Variants in FOXP1 observed in about 807,000 individuals in gnomAD.
The protein encoded by FOXP1 is forkhead box P1.
A neutral mutation model predicts 98.2 loss-of-function variants in FOXP1; 15 were observed. The observed-to-expected ratio is 0.15, with a 90% CI of 0.10 to 0.24. FOXP1 has a LOEUF of 0.24. Ranked by LOEUF, FOXP1 falls within the 10% of genes least tolerant of loss-of-function variation. The pLI, the probability that FOXP1 is intolerant of heterozygous loss-of-function variation, is 1.00. For synonymous variants in FOXP1, 371 were observed against 314.5 expected, an observed-to-expected ratio of 1.18 and a Z score of -1.90; for missense variants, 633 against 848.5, an observed-to-expected ratio of 0.75 and a Z score of 3.15.
At chr3:71,502,250 C>G (rs1290848526) in intron 2 of FOXP1, among the ~76,000 whole-genome samples, 1 of 152,204 alleles carries the variant, frequency 6.6e-6, no homozygotes, top group African/African-American at 2.4e-5. Flanking sequence ...CCCCTGCTAG[C>G]AGGGCAAGTG....
intron 3 of FOXP1, among the ~76,000 whole-genome samples, chr3:71,462,354 C>G (rs893615605): frequency 3.3e-5 from 5 of 152,164 alleles, no homozygotes; most frequent in African/African-American, 9.7e-5. Flanking sequence ...GTTCATGTCA[C>G]AGAATCAGCT....
chr3:71,169,392 T>C (rs948961577), intron 6 of FOXP1, among the ~76,000 whole-genome samples: 3 of 152,212 alleles, frequency 2.0e-5, no homozygotes, highest in African/African-American at 4.8e-5. Flanking sequence ...TAAATATTTC[T>C]TTCTGGTAGA....
intron 9 of FOXP1, among the ~76,000 whole-genome samples, chr3:71,051,260 C>A (rs556433940): frequency 6.6e-6 from 1 of 152,114 alleles, no homozygotes; most frequent in Non-Finnish European, 1.5e-5. Context: ...CCCGGTAGAG[C>A]GCCACTGTAC....
At chr3:71,283,092 C>T (rs1161503247) in intron 5 of FOXP1, among the ~76,000 whole-genome samples, 1 of 152,206 alleles carries the variant, frequency 6.6e-6, no homozygotes, top group Non-Finnish European at 1.5e-5. Context: ...ACCCATCTGC[C>T]TTCCACTGGT....
chr3:71,311,755 G>T (rs1241701853), intron 4 of FOXP1, among the ~76,000 whole-genome samples: 3 of 152,186 alleles, frequency 2.0e-5, no homozygotes, highest in Admixed American at 2.0e-4. Flanking sequence ...TGGCAGCTCT[G>T]TGCCCACAGG....
At chr3:71,042,682 A>C (rs745985222) in intron 10 of FOXP1, among the ~76,000 whole-genome samples, 1 of 152,170 alleles carries the variant, frequency 6.6e-6, no homozygotes, top group Non-Finnish European at 1.5e-5. Context: ...CCATTTTCTG[A>C]CTATATAGCA....
At chr3:71,429,358 A>G (rs1055839555) in intron 3 of FOXP1, among the ~76,000 whole-genome samples, 1 of 152,062 alleles carries the variant, frequency 6.6e-6, no homozygotes, top group Non-Finnish European at 1.5e-5. Flanking sequence ...GGACAGGCTC[A>G]CCTGAGAAAC....
intron 3 of FOXP1, among the ~76,000 whole-genome samples, chr3:71,447,807 T>A (rs1394800975): frequency 2.0e-5 from 3 of 152,212 alleles, no homozygotes; most frequent in Non-Finnish European, 1.5e-5. Context: ...GGATATCATG[T>A]CTTTCTCTTT....
chr3:71,183,406 G>GGAGAATC (rs2062449703), intron 6 of FOXP1, among the ~76,000 whole-genome samples: 1 of 152,152 alleles, frequency 6.6e-6, no homozygotes, highest in South Asian at 2.1e-4. Flanking sequence ...GGCTGAGGGA[G>GGAGAATC]GAGAATCGCT....
chr3:71,437,967 G>A (rs1342028708), intron 3 of FOXP1, among the ~76,000 whole-genome samples: 1 of 152,182 alleles, frequency 6.6e-6, no homozygotes, highest in Non-Finnish European at 1.5e-5. Context: ...GGGAGGGGTA[G>A]AAAATTAACA....
At chr3:71,071,654 A>G (rs1432061021) in intron 7 of FOXP1, among the ~76,000 whole-genome samples, 1 of 151,896 alleles carries the variant, frequency 6.6e-6, no homozygotes, top group Non-Finnish European at 1.5e-5. Context: ...GCTCACTGCA[A>G]CCTCCGCCCC....
intron 3 of FOXP1, among the ~76,000 whole-genome samples, chr3:71,406,317 G>T (rs1383278186): frequency 6.6e-6 from 1 of 150,378 alleles, no homozygotes; most frequent in Non-Finnish European, 1.5e-5. Flanking sequence ...TCTTGGAGCT[G>T]CTCACATCTC....
At chr3:71,438,319 G>A (rs1048468015) in intron 3 of FOXP1, among the ~76,000 whole-genome samples, 8 of 152,076 alleles carry the variant, frequency 5.3e-5, no homozygotes, top group African/African-American at 1.4e-4. Flanking sequence ...GAGCTACATC[G>A]GCCGGAAAGT....
Position 71,581,560 on chromosome 3 carries a change from G to A in FOXP1, c.-309C>T. 2.0e-6 allele frequency: 2 copies of A among 985,494 alleles called. No individual in the cohort carries two copies. Among genetic ancestry groups the A allele is most frequent in the Non-Finnish European group, 2.4e-6 (2 of 830,000 alleles). 61.0% of individuals were successfully genotyped at this position (985,494 alleles called of 1,614,324 possible). ...CCGCCTCGACTTACCCGCGGAGTCCGGGGAGGGAGTAGGAGCGCCGCCTTC... is the reference window on the plus strand; with the variant it reads ...CCGCCTCGACTTACCCGCGGAGTCCAGGGAGGGAGTAGGAGCGCCGCCTTC... On this transcript the variant is annotated 5_prime_UTR_variant, in exon 2 of 21. Transcript: ENST00000649528.
intron 5 of FOXP1, among the ~76,000 whole-genome samples, chr3:71,297,554 T>C (rs906550748): frequency 3.3e-5 from 5 of 150,276 alleles, no homozygotes; most frequent in African/African-American, 4.9e-5. Context: ...TGGAGCTGTA[T>C]GGATAAGGCA....
At chr3:71,376,978 GTCT>G (rs1459101782) in intron 3 of FOXP1, among the ~76,000 whole-genome samples, 2 of 151,992 alleles carry the variant, frequency 1.3e-5, no homozygotes, top group Non-Finnish European at 2.9e-5. Context: ...GCAAAATTGA[GTCT>G]TCATCTTCTT....
At chr3:71,295,044 T>C (rs2073146306) in intron 5 of FOXP1, among the ~76,000 whole-genome samples, 1 of 152,174 alleles carries the variant, frequency 6.6e-6, no homozygotes, top group Admixed American at 6.5e-5. Context: ...GTCTCTTTGT[T>C]ACACCAGCCT....
chr3:71,541,976 T>G lies in FOXP1; in HGVS notation c.-298+39573A>C, dbSNP rs751654471. The G allele has an allele frequency of 3.4e-5, 18 of 533,348 alleles. No homozygotes were observed. The Middle Eastern group carries it at 1.3e-3, about 37-fold the overall frequency. The allele number at this position is 533,348 out of a possible 1,614,324, so 33.0% of individuals were successfully genotyped here. ...GCATCACGCCGCGCGAGACAGATTT[T>G]CAGTATGAAAGAAACCAGCAGTTTC... is the stretch of plus-strand genomic sequence containing the variant. On this transcript the variant is annotated intron_variant, in intron 2 of 20. Transcript: ENST00000649528.
At chr3:71,515,454 CT>C (rs1434353651) in intron 2 of FOXP1, among the ~76,000 whole-genome samples, 1 of 56,412 alleles carries the variant, frequency 1.8e-5, no homozygotes, top group Non-Finnish European at 3.9e-5. Context: ...AAAAAAAAAA[CT>C]GCACATTTAT....
Sources: gnomAD v4.1 joint callset for allele counts (sites outside exome capture counted in the v4.1 genomes callset) on GRCh38, gnomAD v4.1.1 for gene constraint, MANE v1.5 for transcripts, NCBI Gene and HGNC (gene_info 2026-07-23, HGNC 2026-07-21) for gene names.